SECISBP2: variants seen among roughly 807,000 people sequenced by gnomAD.
SECISBP2 encodes SECIS binding protein 2, also known as selenocysteine insertion sequence-binding protein 2.
A neutral mutation model predicts 98.2 loss-of-function variants in SECISBP2; 96 were observed. The observed-to-expected ratio is 0.98, with a 90% confidence interval of 0.83 to 1.16. SECISBP2 has a LOEUF of 1.16. Among genes scored for constraint, SECISBP2 ranks in the 50% most tolerant of loss-of-function variants. SECISBP2 has a pLI of 0.00. For missense variants in SECISBP2, 1,046 were observed against 1,022.9 expected (o/e 1.02, Z -0.31); for synonymous variants, 407 against 370.2 (o/e 1.10, Z -1.14).
At chr9:89,357,888 C>A in intron 15 of SECISBP2, 111 bp from the exon 16 acceptor site, 1 of 1,204,298 alleles carries the variant, frequency 8.3e-7, no homozygotes, top group Non-Finnish European at 1.2e-6. Flanking sequence ...ATGAGGTCCA[C>A]ATTACCCCAT....
rs780594603 is a variant in SECISBP2, at chr9:89,319,802, G to C, written c.182+5G>C. ...TCAGGAACCACCAGTGACAGAGTAT[G>C]TATCTTTCTAAAAGTCTTACCTAGG... On this transcript the variant is annotated splice_donor_5th_base_variant and intron_variant, in intron 2 of 16. Transcript: ENST00000375807. 1 of 1,613,690 alleles carries C rather than the reference G, an allele frequency of 6.2e-7. No individual in the cohort carries two copies. Among genetic ancestry groups the C allele is most frequent in the African/African-American group, 1.3e-5 (1 of 74,718 alleles).
chr9:89,366,992 C>G, the SECISBP2 span: 1 of 152,274 alleles, frequency 6.6e-6, no homozygotes, highest in African/African-American at 2.4e-5. Context: ...GCAAAACCCT[C>G]AAAGCTCTAC....
intron 7 of SECISBP2, among the ~76,000 whole-genome samples, chr9:89,335,009 T>A (rs1436167042): frequency 6.6e-6 from 1 of 152,090 alleles, no homozygotes; most frequent in Non-Finnish European, 1.5e-5. Context: ...GGTCAGGAGA[T>A]GGAGACCATC....
chr9:89,362,693 C>G (rs1191797457), downstream of SECISBP2, among the ~76,000 whole-genome samples: 1 of 152,246 alleles, frequency 6.6e-6, no homozygotes, highest in Non-Finnish European at 1.5e-5. Context: ...CCTGTGTGTG[C>G]TGAAGTACAG....
At chr9:89,351,381 C>G (rs1316803335) in intron 14 of SECISBP2, among the ~76,000 whole-genome samples, 1 of 152,192 alleles carries the variant, frequency 6.6e-6, no homozygotes, top group Non-Finnish European at 1.5e-5. Context: ...AGTGAACCCT[C>G]ACCTGTGACA....
chr9:89,355,037 G>C (rs999132002), intron 14 of SECISBP2: 34 of 985,250 alleles, frequency 3.5e-5, no homozygotes, highest in Non-Finnish European at 3.9e-5. Context: ...CTTTGCAAAT[G>C]CTTTGGGTAG....
At position 89,318,507 on chromosome 9, in the gene SECISBP2, C is replaced by G; in HGVS notation, c.-70C>G. 19 of 1,472,988 alleles carry G rather than the reference C, an allele frequency of 1.3e-5. No homozygotes were observed. The highest frequency in any genetic ancestry group is 1.7e-5 in the Non-Finnish European group (19 of 1,098,968). The allele number at this position is 1,472,988 out of a possible 1,614,324, so 91.2% of individuals were successfully genotyped here. On this transcript the variant is annotated 5_prime_UTR_variant, in exon 1 of 17. Coordinates refer to ENST00000375807, the MANE Select transcript of SECISBP2 (RefSeq NM_024077.5). ...GGCGTCGCCTGCGGGGGCGGAAACG[C>G]TTTGTCTGTCCGGCAAGCCGACGGC...
chr9:89,326,057 G>A lies in SECISBP2; in HGVS notation c.574+19G>A, dbSNP rs371128330. ...AAATCAGGTAAAAATAACCAACAAT[G>A]TAGTATAATGCGAGCCTACTCCTTG... On this transcript the variant is annotated intron_variant, in intron 4 of 16. Coordinates refer to ENST00000375807, the MANE Select transcript of SECISBP2 (RefSeq NM_024077.5). 1.1e-5 allele frequency: 18 copies of A among 1,608,442 alleles called. No homozygotes were observed. The African/African-American group carries it at 1.9e-4, about 17-fold the overall frequency.
chr9:89,338,025 T>C (rs952937889), intron 7 of SECISBP2, among the ~76,000 whole-genome samples: 1 of 152,232 alleles, frequency 6.6e-6, no homozygotes, highest in Non-Finnish European at 1.5e-5. Flanking sequence ...TTAGCAGTCC[T>C]GGGATGGTCC....
downstream of SECISBP2, chr9:89,362,495 G>A: frequency 6.2e-7 from 1 of 1,613,790 alleles, no homozygotes; most frequent in Non-Finnish European, 8.5e-7. Context: ...CTGCAGCCCA[G>A]TCTGTCTCAT....
At chr9:89,364,434 G>A, downstream of SECISBP2, 1 of 229,506 alleles carries the variant, frequency 4.4e-6, no homozygotes, top group Admixed American at 5.0e-5. Flanking sequence ...TGGGGACCAT[G>A]AGGGCCTGTC....
At chr9:89,347,177 T>C in intron 11 of SECISBP2, 129 bp downstream of exon 11, 1 of 920,414 alleles carries the variant, frequency 1.1e-6, no homozygotes, top group South Asian at 1.4e-5. Context: ...TAGTAAAACG[T>C]GTTAATGATA....
intron 1 of SECISBP2, chr9:89,319,038 ATT>A: frequency 9.8e-7 from 1 of 1,017,192 alleles, no homozygotes; most frequent in Non-Finnish European, 1.2e-6. Flanking sequence ...CGCTTGCATC[ATT>A]TTTAGACCCA....
At position 89,328,888 on chromosome 9, in the gene SECISBP2, T is replaced by G. The variant is rs1827240656; in HGVS notation, c.801+2T>G. ...AAACCAGCTGCAGTGTTATCAAAGG[T>G]GAGGTGAGGGTTTCTCTCTTTTTCT... On this transcript the variant is annotated splice_donor_variant, in intron 5 of 16. Transcript: ENST00000375807. LOFTEE classifies it high-confidence loss of function. The G allele has an allele frequency of 6.2e-7, 1 of 1,607,136 alleles. No individual in the cohort carries two copies. Among genetic ancestry groups the G allele is most frequent in the Non-Finnish European group, 8.5e-7 (1 of 1,173,990 alleles).
chr9:89,330,570 T>C (rs1827577759), intron 5 of SECISBP2: 1 of 152,284 alleles, frequency 6.6e-6, no homozygotes, highest in Admixed American at 6.5e-5. Context: ...GCTGGTAATG[T>C]GCAGAAGATA....
intron 7 of SECISBP2, among the ~76,000 whole-genome samples, 189 bp from the exon 8 acceptor site, chr9:89,338,269 C>A (rs1013006341): frequency 5.9e-5 from 9 of 152,070 alleles, no homozygotes; most frequent in African/African-American, 2.2e-4. Flanking sequence ...TTTGAACAAA[C>A]TTTTTTTTCC....
chr9:89,337,101 T>A (rs1418750305), intron 7 of SECISBP2, among the ~76,000 whole-genome samples: 1 of 152,184 alleles, frequency 6.6e-6, no homozygotes, highest in Non-Finnish European at 1.5e-5. Flanking sequence ...TTGTTGCAGC[T>A]GCCAAGTCAC....
In SECISBP2 at chr9:89,358,717, T is replaced by TTA; in HGVS notation, c.2462-3_2462-2dup. The TTA allele has an allele frequency of 6.2e-7, 1 of 1,601,538 alleles. No homozygotes were observed. The highest frequency in any genetic ancestry group is 8.6e-7 in the Non-Finnish European group (1 of 1,168,452). On this transcript the variant is annotated splice_region_variant and splice_polypyrimidine_tract_variant and intron_variant, in intron 16 of 16. Coordinates refer to ENST00000375807, the MANE Select transcript of SECISBP2 (RefSeq NM_024077.5). Reference sequence around the variant, plus strand: ...TCCTCACTCGTGCTGTTTTCTCATTTTAGTTGAAATCTGGAAAAAACATCT... The same window carrying TTA: ...TCCTCACTCGTGCTGTTTTCTCATTTTATAGTTGAAATCTGGAAAAAACATCT...
At chr9:89,340,518 AG>A (rs1829497495) in intron 9 of SECISBP2, among the ~76,000 whole-genome samples, 1 of 151,884 alleles carries the variant, frequency 6.6e-6, no homozygotes, top group Non-Finnish European at 1.5e-5. Flanking sequence ...TGCCTTTTAA[AG>A]GGGGCTGTTG....
Sources: allele counts gnomAD v4.1 joint callset (sites outside exome capture counted in the v4.1 genomes callset), GRCh38; gene constraint gnomAD v4.1.1; transcripts MANE v1.5; gene names NCBI Gene and HGNC (gene_info 2026-07-23, HGNC 2026-07-21).